The following SHANK2 variants were observed in gnomAD, a reference collection of about 807,000 sequenced individuals.
SHANK2 encodes the protein SH3 and multiple ankyrin repeat domains protein 2.
SHANK2 carries 43 observed loss-of-function variants against 133.7 expected under a neutral mutation model. That is an observed-to-expected ratio of 0.32 (90% CI 0.25 to 0.41). The LOEUF (loss-of-function observed/expected upper bound fraction) is 0.41, where lower values mean the gene tolerates loss of function less well. Ranked by LOEUF, SHANK2 falls within the 10% of genes least tolerant of loss-of-function variation. The pLI is 1.00. For synonymous variants in SHANK2, 1,017 were observed against 952.8 expected, an observed-to-expected ratio of 1.07 and a Z score of -1.24; for missense variants, 1,994 against 2,235.8, an observed-to-expected ratio of 0.89 and a Z score of 2.18.
chr11:71,111,461 T>C (rs1208630671), intron 5 of SHANK2, among the ~76,000 whole-genome samples: 1 of 152,212 alleles, frequency 6.6e-6, no homozygotes, highest in Non-Finnish European at 1.5e-5. Context: ...CCAGCCTCGC[T>C]GTAAGAAAAG....
At chr11:71,168,412 C>G (rs1282102065) in intron 2 of SHANK2, among the ~76,000 whole-genome samples, 1 of 151,518 alleles carries the variant, frequency 6.6e-6, no homozygotes, top group East Asian at 1.9e-4. Flanking sequence ...TCCTCACTTC[C>G]CAGACGGGGT....
intron 11 of SHANK2, among the ~76,000 whole-genome samples, chr11:70,854,696 A>T (rs1477292065): frequency 6.6e-6 from 1 of 152,232 alleles, no homozygotes; most frequent in East Asian, 1.9e-4. Context: ...TGACAAGCAC[A>T]TGAAGGCCAG....
rs188637286 is a variant in SHANK2, at chr11:70,698,712, G to T, written c.1829C>A (p.Ser610Tyr). 3.6e-5 allele frequency: 26 copies of T among 718,560 alleles called. No homozygotes were observed. Among genetic ancestry groups the T allele is most frequent in the Non-Finnish European group, 6.8e-5 (26 of 385,126 alleles). 44.5% of individuals were successfully genotyped at this position (718,560 alleles called of 1,614,324 possible). The change falls in exon 15 of 26, where the codon TCC (serine) becomes TAC (tyrosine). Residue 610 changes from serine to tyrosine, a missense_variant. By Grantham distance (144) the Ser-to-Tyr change is moderately radical. Transcript: ENST00000601538. ...CCTGGAAGTGTCGAAGCTGTCATAGGAGCCCACGGTGTAGTGCCTGAAAAG... is the reference window on the plus strand; with the variant it reads ...CCTGGAAGTGTCGAAGCTGTCATAGTAGCCCACGGTGTAGTGCCTGAAAAG... ...KKLFRHYTVG[S>Y]YDSFDTSSDC...
intron 17 of SHANK2, among the ~76,000 whole-genome samples, chr11:70,574,844 C>T (rs999230664): frequency 3.9e-5 from 6 of 152,186 alleles, no homozygotes; most frequent in Non-Finnish European, 8.8e-5. Flanking sequence ...GGTTGGCAGC[C>T]TTACAAAACT....
chr11:71,090,195 T>TGTGC (rs1341981142), intron 8 of SHANK2, among the ~76,000 whole-genome samples: 1 of 143,896 alleles, frequency 6.9e-6, no homozygotes, highest in Non-Finnish European at 1.5e-5. Context: ...TGTGTGTGTG[T>TGTGC]GTGTATGTGT....
rs1948707734 is a variant in SHANK2 at position 70,830,303 on chromosome 11, C to G, written c.1175-9621G>C. The stretch of plus-strand genomic sequence containing the variant: ...CCTGAAGCCTGCCCTGCCTGCCTGG[C>G]TGGGAGGGAAGTTCTGTGTGGACAA... On this transcript the variant is annotated intron_variant, in intron 11 of 25. Transcript: ENST00000601538. The surrounding 1 kb of genome is among the most constrained non-coding windows in gnomAD (Gnocchi z 4.4). Among the ~76,000 whole-genome samples, 1 of 152,194 alleles carries G rather than the reference C, an allele frequency of 6.6e-6. No individual in the cohort carries two copies. The highest frequency in any genetic ancestry group is 2.4e-5 in the African/African-American group (1 of 41,446).
chr11:70,762,556 C>T (rs1316631032), intron 14 of SHANK2, among the ~76,000 whole-genome samples: 1 of 152,150 alleles, frequency 6.6e-6, no homozygotes, highest in East Asian at 1.9e-4. Flanking sequence ...CAGGGTGCTG[C>T]CCCTCCAGTC....
At chr11:70,835,379 A>G (rs1948797947) in intron 11 of SHANK2, among the ~76,000 whole-genome samples, 1 of 151,922 alleles carries the variant, frequency 6.6e-6, no homozygotes, top group South Asian at 2.1e-4. Flanking sequence ...CGCTCAGTCA[A>G]GAGGCTCATG....
intron 12 of SHANK2, among the ~76,000 whole-genome samples, chr11:70,817,700 C>G (rs1302673793): frequency 6.6e-6 from 1 of 152,216 alleles, no homozygotes; most frequent in Admixed American, 6.5e-5. Flanking sequence ...CCCTGAACGC[C>G]TTCAGCTGAT....
intron 11 of SHANK2, among the ~76,000 whole-genome samples, chr11:70,876,862 G>A (rs1358578275): frequency 1.3e-5 from 2 of 152,176 alleles, no homozygotes; most frequent in African/African-American, 4.8e-5. Context: ...AGAGCGCCCT[G>A]TCTAGTGGCC....
At chr11:70,667,109 G>A (rs574149143) in intron 15 of SHANK2, among the ~76,000 whole-genome samples, 40 of 152,024 alleles carry the variant, frequency 2.6e-4, no homozygotes, top group Non-Finnish European at 4.9e-4. Context: ...TGGTAATTTC[G>A]TCACAGAGGG....
intron 11 of SHANK2, among the ~76,000 whole-genome samples, chr11:70,868,662 CGG>C (rs1264795978): frequency 1.3e-5 from 2 of 152,212 alleles, no homozygotes; most frequent in African/African-American, 4.8e-5. Flanking sequence ...TCACACCCCA[CGG>C]GGGCAGCCCA....
rs150384068 is a variant in SHANK2 at position 71,156,722 on chromosome 11, C to T, written c.-12-9384G>A. The stretch of plus-strand genomic sequence containing the variant: ...GAACAAAAACACACAGGTCATTTTG[C>T]TGCTGAATTTTTAAGAGGGCTTTAT... On this transcript the variant is annotated intron_variant, in intron 2 of 25. Coordinates refer to ENST00000601538, the MANE Select transcript of SHANK2 (RefSeq NM_012309.5). Among the ~76,000 whole-genome samples the T allele has an allele frequency of 7.2e-5, 11 of 152,300 alleles. No individual in the cohort carries two copies. The East Asian group carries it at 1.5e-3, about 21-fold the overall frequency.
chr11:70,924,168 C>T (rs932022798), intron 10 of SHANK2, among the ~76,000 whole-genome samples: 3 of 152,180 alleles, frequency 2.0e-5, no homozygotes, highest in Admixed American at 2.0e-4. Context: ...CCACACTCCC[C>T]ACCACCCTGC....
intron 1 of SHANK2, among the ~76,000 whole-genome samples, chr11:71,240,460 C>CTCCCT (rs1555124255): frequency 6.6e-6 from 1 of 152,174 alleles, no homozygotes; most frequent in Non-Finnish European, 1.5e-5. Flanking sequence ...AGGAAGGGGG[C>CTCCCT]TCCCTTCAAG....
At chr11:70,942,706 T>C (rs1950664771) in intron 10 of SHANK2, 4 of 456,748 alleles carry the variant, frequency 8.8e-6, no homozygotes, top group Non-Finnish European at 1.8e-5. Context: ...AAACAGTGGA[T>C]TATAAGTATC....
At chr11:71,231,509 T>C (rs1420001869) in intron 1 of SHANK2, among the ~76,000 whole-genome samples, 1 of 152,190 alleles carries the variant, frequency 6.6e-6, no homozygotes, top group East Asian at 1.9e-4. Context: ...GAAAACAGTG[T>C]AGCAGTTCCT....
chr11:71,248,705 C>T (rs1420620057), intron 1 of SHANK2, among the ~76,000 whole-genome samples: 1 of 152,214 alleles, frequency 6.6e-6, no homozygotes, highest in African/African-American at 2.4e-5. Flanking sequence ...TGTCCCCACC[C>T]TGGGAACAAG....
chr11:71,066,880 A>G (rs1431686815), intron 9 of SHANK2, among the ~76,000 whole-genome samples: 7 of 151,866 alleles, frequency 4.6e-5, no homozygotes, highest in African/African-American at 1.5e-4. Context: ...GTACGAACAC[A>G]CCCCTCACTG....
Sources: allele counts gnomAD v4.1 joint callset (sites outside exome capture counted in the v4.1 genomes callset), GRCh38; gene constraint gnomAD v4.1.1; non-coding constraint Gnocchi (gnomAD v3.1); transcripts MANE v1.5; gene names NCBI Gene and HGNC (gene_info 2026-07-23, HGNC 2026-07-21).